Variants in RNF150 observed in about 807,000 individuals in gnomAD.
The protein encoded by RNF150 is ring finger protein 150.
Under a neutral mutation model 39.3 loss-of-function variants are expected in RNF150, and 24 were observed. The ratio of observed to expected loss-of-function variants is 0.61; its 90% CI spans 0.44 to 0.86. The LOEUF (loss-of-function observed/expected upper bound fraction) is 0.86. Among genes scored for constraint, RNF150 ranks in the 40% least tolerant of loss-of-function variants. RNF150 has a pLI of 0.00. For missense variants in RNF150, 502 were observed against 587.8 expected, an observed-to-expected ratio of 0.85 and a Z score of 1.51; for synonymous variants, 255 against 227.3, an observed-to-expected ratio of 1.12 and a Z score of -1.10.
intron 6 of RNF150, among the ~76,000 whole-genome samples, chr4:140,897,997 CCT>C (rs1730025302): frequency 6.6e-6 from 1 of 152,112 alleles, no homozygotes; most frequent in African/African-American, 2.4e-5. Flanking sequence ...AATTTCAATA[CCT>C]CTCTCTGCTG....
At chr4:141,040,260 G>A (rs1736307642) in intron 1 of RNF150, among the ~76,000 whole-genome samples, 2 of 152,036 alleles carry the variant, frequency 1.3e-5, no homozygotes, top group Admixed American at 6.6e-5. Flanking sequence ...GAAGAAATAA[G>A]AATTAACTAA....
intron 5 of RNF150, among the ~76,000 whole-genome samples, chr4:140,913,083 G>A (rs1730677654): frequency 6.6e-6 from 1 of 152,008 alleles, no homozygotes; most frequent in African/African-American, 2.4e-5. Context: ...CCAACATGGT[G>A]AAACCCTGTC....
At position 140,863,687 on chromosome 4, in the gene RNF150, C is replaced by G. The variant is rs578134072; in HGVS notation, c.*4574G>C. 1 of 152,094 alleles carries G rather than the reference C, an allele frequency of 6.6e-6. No homozygotes were observed. Among genetic ancestry groups the G allele is most frequent in the Non-Finnish European group, 1.5e-5 (1 of 68,016 alleles). 9.4% of individuals were successfully genotyped at this position (152,094 alleles called of 1,614,324 possible). ...ATAGGCAGTCAGAGAAAAACAGATA[C>G]AGACAGAAAAGGAAAAGAAACTTAG... On this transcript the variant is annotated 3_prime_UTR_variant, in exon 7 of 7. Coordinates refer to ENST00000515673, the MANE Select transcript of RNF150 (RefSeq NM_020724.2).
intron 2 of RNF150, among the ~76,000 whole-genome samples, chr4:140,963,353 C>T (rs1384314878): frequency 2.0e-5 from 3 of 151,954 alleles, no homozygotes; most frequent in Non-Finnish European, 4.4e-5. Context: ...TTAAAATGCT[C>T]GAGTGCAGTG....
chr4:141,014,921 A>T (rs4266354), intron 1 of RNF150, among the ~76,000 whole-genome samples: 1 of 151,350 alleles, frequency 6.6e-6, no homozygotes. Context: ...CTTTTCCCCT[A>T]TGTTTTTTTT....
At chr4:141,167,843 G>T (rs1419587222) in intron 1 of RNF150, among the ~76,000 whole-genome samples, 1 of 152,104 alleles carries the variant, frequency 6.6e-6, no homozygotes, top group Non-Finnish European at 1.5e-5. Flanking sequence ...AAAACCTCTA[G>T]AAGAAAACCT....
At chr4:140,885,218 T>C (rs1345973224) in intron 6 of RNF150, among the ~76,000 whole-genome samples, 8 of 147,532 alleles carry the variant, frequency 5.4e-5, no homozygotes, top group African/African-American at 1.5e-4. Context: ...TTTTTTTTTT[T>C]GAGACAGAGG....
chr4:140,992,561 A>G (rs984008897), intron 1 of RNF150, among the ~76,000 whole-genome samples: 1 of 152,130 alleles, frequency 6.6e-6, no homozygotes, highest in African/African-American at 2.4e-5. Flanking sequence ...GAGGAGAGGC[A>G]CTACAGACTG....
chr4:140,979,166 T>G (rs1733770611), intron 1 of RNF150, among the ~76,000 whole-genome samples: 1 of 152,106 alleles, frequency 6.6e-6, no homozygotes, highest in Non-Finnish European at 1.5e-5. Flanking sequence ...AATACTCTAT[T>G]TTCAATCTGA....
chr4:141,023,824 C>T (rs1293607712), intron 1 of RNF150, among the ~76,000 whole-genome samples: 1 of 152,142 alleles, frequency 6.6e-6, no homozygotes, highest in Non-Finnish European at 1.5e-5. Flanking sequence ...TATTTGTTTA[C>T]TCTCTTCTCT....
chr4:141,123,567 T>C (rs1726671665), intron 1 of RNF150, among the ~76,000 whole-genome samples: 1 of 152,248 alleles, frequency 6.6e-6, no homozygotes, highest in African/African-American at 2.4e-5. Context: ...TTTTTTTTAT[T>C]ATACTTTAAG....
chr4:141,193,970 G>C (rs1009988034), intron 1 of RNF150, among the ~76,000 whole-genome samples: 1 of 152,178 alleles, frequency 6.6e-6, no homozygotes, highest in Non-Finnish European at 1.5e-5. Context: ...GACTACATCT[G>C]TGTGTGCTAT....
intron 1 of RNF150, among the ~76,000 whole-genome samples, chr4:141,087,239 TA>T (rs1418543796): frequency 6.6e-6 from 1 of 152,208 alleles, no homozygotes; most frequent in Non-Finnish European, 1.5e-5. Flanking sequence ...ATGCAGTATT[TA>T]GTTTTCTGTT....
At chr4:141,198,349 C>A (rs1728239442) in intron 1 of RNF150, among the ~76,000 whole-genome samples, 1 of 152,158 alleles carries the variant, frequency 6.6e-6, no homozygotes, top group South Asian at 2.1e-4. Flanking sequence ...CTTTATTTGT[C>A]TCTTTTCATA....
At chr4:140,886,732 A>C (rs1213668113) in intron 6 of RNF150, among the ~76,000 whole-genome samples, 2 of 151,912 alleles carry the variant, frequency 1.3e-5, no homozygotes, top group African/African-American at 4.8e-5. Flanking sequence ...ATCCCCCTCT[A>C]CCTCAGCCTC....
intron 1 of RNF150, among the ~76,000 whole-genome samples, chr4:141,074,460 A>C (rs1252933313): frequency 6.6e-6 from 1 of 152,118 alleles, no homozygotes; most frequent in Admixed American, 6.6e-5. Flanking sequence ...TCAAACAAAG[A>C]AAATTGGTTC....
intron 1 of RNF150, among the ~76,000 whole-genome samples, chr4:141,108,360 G>A (rs1021052389): frequency 2.6e-5 from 4 of 152,040 alleles, no homozygotes; most frequent in African/African-American, 9.7e-5. Context: ...TCTCTCCGTT[G>A]TCAGCTACAT....
At chr4:141,120,084 C>T (rs759257983) in intron 1 of RNF150, among the ~76,000 whole-genome samples, 46 of 152,276 alleles carry the variant, frequency 3.0e-4, no homozygotes, top group African/African-American at 7.9e-4. Context: ...GCCTTTTCTA[C>T]GCCAGGCTCT....
intron 4 of RNF150, chr4:140,944,703 T>A (rs1244452031): frequency 6.6e-6 from 1 of 152,014 alleles, no homozygotes; most frequent in Non-Finnish European, 1.5e-5. Flanking sequence ...ATGTCAGCAG[T>A]TATGAGGCCA....
Sources: gnomAD v4.1 joint callset for allele counts (sites outside exome capture counted in the v4.1 genomes callset) on GRCh38, gnomAD v4.1.1 for gene constraint, MANE v1.5 for transcripts, NCBI Gene and HGNC (gene_info 2026-07-23, HGNC 2026-07-21) for gene names.